ZNF808: variants seen among roughly 807,000 people sequenced by gnomAD.
ZNF808 encodes the protein zinc finger protein 808.
Under a neutral mutation model 8.7 loss-of-function variants are expected in ZNF808, and 5 were observed. The observed-to-expected ratio is 0.58, with a 90% confidence interval of 0.30 to 1.21. The LOEUF is 1.21. Among genes scored for constraint, ZNF808 ranks in the 50% most tolerant of loss-of-function variants. ZNF808 has a pLI of 0.07. For missense variants in ZNF808, 1,103 were observed against 1,098.4 expected, an observed-to-expected ratio of 1.00 and a Z score of -0.06; for synonymous variants, 380 against 366.0, an observed-to-expected ratio of 1.04 and a Z score of -0.44.
intron 2 of ZNF808, among the ~76,000 whole-genome samples, chr19:52,542,247 A>G (rs2059678258): frequency 6.6e-6 from 1 of 152,048 alleles, no homozygotes; most frequent in Admixed American, 6.6e-5. Context: ...TCGACTTTCA[A>G]AATGCTTTTG....
At chr19:52,537,040 G>C (rs1349745487) in intron 2 of ZNF808, among the ~76,000 whole-genome samples, 1 of 152,030 alleles carries the variant, frequency 6.6e-6, no homozygotes, top group African/African-American at 2.4e-5. Context: ...TACAAAACTA[G>C]CTGGGCGCGG....
At chr19:52,541,601 A>G (rs556302192) in intron 2 of ZNF808, among the ~76,000 whole-genome samples, 11 of 152,104 alleles carry the variant, frequency 7.2e-5, no homozygotes, top group Non-Finnish European at 1.5e-4. Context: ...AATGACTGAC[A>G]AAATACAGTG....
chr19:52,535,841 T>TG (rs904235813), intron 2 of ZNF808: 7 of 152,008 alleles, frequency 4.6e-5, no homozygotes, highest in African/African-American at 1.7e-4. Context: ...AAACAGGCGC[T>TG]GGGTGCGAGG....
At chr19:52,566,126 A>C (rs2059872432), downstream of ZNF808, among the ~76,000 whole-genome samples, 1 of 152,074 alleles carries the variant, frequency 6.6e-6, no homozygotes, top group African/African-American at 2.4e-5. Flanking sequence ...GTGGGATTAG[A>C]GTCCATTTGT....
In ZNF808 at chr19:52,535,199, T is replaced by C. The variant is rs186907364; in HGVS notation, c.-20+2190T>C. ...ACAAAAAATTAGCCGAGCGTCGTGG[T>C]GGGCGCCTGTAGTCCCAGTTACTCC... On this transcript the variant is annotated intron_variant, in intron 2 of 4. Coordinates refer to ENST00000359798, the MANE Select transcript of ZNF808 (RefSeq NM_001039886.4). Among the ~76,000 whole-genome samples, 298 of 150,704 alleles carry C rather than the reference T, an allele frequency of 2.0e-3. 2 individuals are homozygous for C. In the South Asian group the frequency reaches 0.025, roughly 13 times the overall value.
Position 52,555,140 on chromosome 19 carries a change from A to C in ZNF808, c.2224A>C (p.Lys742Gln). The C allele has an allele frequency of 6.2e-7, 1 of 1,613,706 alleles. No homozygotes were observed. Among genetic ancestry groups the C allele is most frequent in the South Asian group, 1.1e-5 (1 of 91,076 alleles). ...ACCTTACAAGTGTAGTGAGTGCAGC[A>C]AGACGTTCAGTCAGAAGGCAACCCT... is the stretch of plus-strand genomic sequence containing the variant. ...EKPYKCSECSKTFSQKATLLC... is the reference protein window; with the variant it reads ...EKPYKCSECSQTFSQKATLLC... The change falls in exon 5 of 5, where the codon AAG (lysine) becomes CAG (glutamine). Residue 742 changes from lysine to glutamine, a missense_variant. By Grantham distance (53) the Lys-to-Gln change is moderately conservative. Coordinates refer to ENST00000359798, the MANE Select transcript of ZNF808 (RefSeq NM_001039886.4).
chr19:52,553,916 A>G lies in ZNF808; in HGVS notation c.1000A>G (p.Lys334Glu), dbSNP rs766021326. The G allele has an allele frequency of 3.1e-6, 5 of 1,614,028 alleles. No homozygotes were observed. The highest frequency in any genetic ancestry group is 4.2e-6 in the Non-Finnish European group (5 of 1,179,996). The part of the protein sequence containing the change: ...FRQNSALVIH[K>E]AIHTGEKPYK... ...TCAAAATTCAGCCCTTGTAATTCAT[A>G]AGGCAATTCATACTGGAGAGAAACC... Residue 334 changes from lysine (K) to glutamate (E), a missense_variant, in exon 5 of 5, where the codon AAG (lysine) becomes GAG (glutamate). Lys to Glu is a moderately conservative substitution (Grantham distance 56). Transcript: ENST00000359798.
At chr19:52,529,214 CAA>C (rs5828510) in intron 1 of ZNF808, among the ~76,000 whole-genome samples, 36 of 127,372 alleles carry the variant, frequency 2.8e-4, no homozygotes, top group African/African-American at 4.9e-4. Flanking sequence ...CTATCTCTGC[CAA>C]AAAAAAAAAA....
chr19:52,529,829 T>TCCTACCTC (rs2059544076), intron 1 of ZNF808, among the ~76,000 whole-genome samples: 3 of 151,774 alleles, frequency 2.0e-5, no homozygotes, highest in Admixed American at 2.0e-4. Flanking sequence ...CAAGTGATCC[T>TCCTACCTC]CCTACCTCAG....
chr19:52,567,345 G>GT (rs1416918601), downstream of ZNF808, among the ~76,000 whole-genome samples: 1 of 151,420 alleles, frequency 6.6e-6, no homozygotes, highest in African/African-American at 2.4e-5. Context: ...AAGCACCTAT[G>GT]TAAGAGAAAC....
In ZNF808 at chr19:52,543,323, G is replaced by A. The variant is rs748925180; in HGVS notation, c.39G>A (p.Lys13=). 9.9e-6 allele frequency: 16 copies of A among 1,613,510 alleles called. No individual in the cohort carries two copies. In the East Asian group the frequency reaches 3.6e-4, roughly 36 times the overall value. Reference sequence around the variant, plus strand: ...AAGCAGCTCAGAAGAGGAAAGGAAAGGAGTCAGGCATGGCTCTTCCTCAGG... The same window carrying A: ...AAGCAGCTCAGAAGAGGAAAGGAAAAGAGTCAGGCATGGCTCTTCCTCAGG... ...REEAAQKRKG[K]ESGMALPQGR... is the part of the protein sequence containing the mutation. The change falls in exon 3 of 5, where the codon AAG becomes AAA. Residue 13 remains lysine, a synonymous_variant. Coordinates refer to ENST00000359798, the MANE Select transcript of ZNF808 (RefSeq NM_001039886.4).
At chr19:52,534,884 G>C (rs1434997218) in intron 2 of ZNF808, among the ~76,000 whole-genome samples, 1 of 152,004 alleles carries the variant, frequency 6.6e-6, no homozygotes, top group African/African-American at 2.4e-5. Flanking sequence ...GAAATACTCT[G>C]TCTCAAAAAT....
chr19:52,566,165 T>A (rs1166994901), downstream of ZNF808, among the ~76,000 whole-genome samples: 3 of 152,094 alleles, frequency 2.0e-5, no homozygotes, highest in African/African-American at 7.2e-5. Context: ...ATATATAGTT[T>A]GTTTTGTTTT....
At position 52,553,124 on chromosome 19, in the gene ZNF808, A is replaced by T. The variant is rs1409915352; in HGVS notation, c.208A>T (p.Met70Leu). 6.4e-7 allele frequency: 1 copy of T among 1,562,052 alleles called. No individual in the cohort carries two copies. Among genetic ancestry groups the T allele is most frequent in the Non-Finnish European group, 8.6e-7 (1 of 1,159,400 alleles). The change falls in exon 5 of 5, where the codon ATG (methionine) becomes TTG (leucine). Residue 70 changes from methionine to leucine, a missense_variant. Coordinates refer to ENST00000359798, the MANE Select transcript of ZNF808 (RefSeq NM_001039886.4). The part of the protein sequence containing the change: ...LEAVDISSKH[M>L]MKEVLSTGQG... ...TTTTGTAGATATCTCTTCCAAACAC[A>T]TGATGAAGGAGGTCTTGTCAACAGG...
Position 52,554,464 on chromosome 19 carries a change from T to G in ZNF808, c.1548T>G (p.Cys516Trp), listed in dbSNP as rs1226085632. The change falls in exon 5 of 5, where the codon TGT becomes TGG. Residue 516 changes from cysteine (C) to tryptophan (W), a missense_variant. By Grantham distance (215) the Cys-to-Trp change is radical (BLOSUM62 -2). Coordinates refer to ENST00000359798, the MANE Select transcript of ZNF808 (RefSeq NM_001039886.4). Reference sequence around the variant, plus strand: ...AAAAACCTTACAAGTGTAATCAGTGTGGCAATACCTTCCGTCACCGGGCAT... The same window carrying G: ...AAAAACCTTACAAGTGTAATCAGTGGGGCAATACCTTCCGTCACCGGGCAT... The part of the protein sequence containing the change: ...SGEKPYKCNQ[C>W]GNTFRHRASL... 3 of 1,614,158 alleles carry G rather than the reference T, an allele frequency of 1.9e-6. No individual in the cohort carries two copies. The highest frequency in any genetic ancestry group is 2.5e-6 in the Non-Finnish European group (3 of 1,180,020).
rs2059834688 is a variant in ZNF808, at chr19:52,556,216, T to C, written c.*588T>C. On this transcript the variant is annotated 3_prime_UTR_variant, in exon 5 of 5. Transcript: ENST00000359798. ...GGCTCAGGCCTGTAATCCCAGCACG[T>C]TGGAAGACCAAGGCACATAGGTCAC... The C allele has an allele frequency of 1.2e-5, 3 of 243,082 alleles. No homozygotes were observed. The highest frequency in any genetic ancestry group is 4.6e-5 in the African/African-American group (2 of 43,164). 15.1% of individuals were successfully genotyped at this position (243,082 alleles called of 1,614,324 possible).
intron 4 of ZNF808, among the ~76,000 whole-genome samples, chr19:52,551,617 G>T (rs2059777221): frequency 6.6e-6 from 1 of 151,944 alleles, no homozygotes; most frequent in African/African-American, 2.4e-5. Context: ...TTTTATCATG[G>T]GTTACAATAT....
intron 2 of ZNF808, among the ~76,000 whole-genome samples, chr19:52,533,950 T>C (rs544662283): frequency 6.6e-6 from 1 of 151,510 alleles, no homozygotes; most frequent in Non-Finnish European, 1.5e-5. Flanking sequence ...TTTAAAGCTA[T>C]GGACATTTAA....
Position 52,553,306 on chromosome 19 carries a change from A to G in ZNF808, c.390A>G (p.Thr130=). 1 of 1,613,726 alleles carries G rather than the reference A, an allele frequency of 6.2e-7. No homozygotes were observed. The highest frequency in any genetic ancestry group is 8.5e-7 in the Non-Finnish European group (1 of 1,179,852). The change falls in exon 5 of 5, where the codon ACA becomes ACG. Residue 130 remains threonine, a synonymous_variant. Transcript: ENST00000359798. ...DERNGHEAPT[T]KIKKLTGSTD... ...GAAATGGCCATGAAGCACCCACGACAAAAATAAAAAAGTTGACTGGTAGCA... is the reference window on the plus strand; with the variant it reads ...GAAATGGCCATGAAGCACCCACGACGAAAATAAAAAAGTTGACTGGTAGCA...
Sources: allele counts gnomAD v4.1 joint callset (sites outside exome capture counted in the v4.1 genomes callset), GRCh38; gene constraint gnomAD v4.1.1; transcripts MANE v1.5; gene names NCBI Gene and HGNC (gene_info 2026-07-23, HGNC 2026-07-21).